The following MMEL1 variants were observed in gnomAD, a reference collection of about 807,000 sequenced individuals.
The protein encoded by MMEL1 is membrane metallo-endopeptidase-like 1.
Under a neutral mutation model 117.1 loss-of-function variants are expected in MMEL1, and 98 were observed. The ratio of observed to expected loss-of-function variants is 0.84; its 90% CI spans 0.71 to 0.99. The LOEUF is 0.99. Ranked by LOEUF, MMEL1 falls within the 50% of genes least tolerant of loss-of-function variation. MMEL1 has a pLI of 0.00. For missense variants in MMEL1, 1,014 were observed against 1,049.1 expected, an observed-to-expected ratio of 0.97 and a Z score of 0.46; for synonymous variants, 390 against 415.1, an observed-to-expected ratio of 0.94 and a Z score of 0.74.
intron 23 of MMEL1, 125 bp downstream of exon 23, chr1:2,591,432 G>A: frequency 1.3e-6 from 1 of 799,086 alleles, no homozygotes. Flanking sequence ...GCCCCTCTCA[G>A]GTTTATTCCC....
At position 2,612,849 on chromosome 1, in the gene MMEL1, C is replaced by T. The variant is rs180724903; in HGVS notation, c.155-645G>A. Reference sequence around the variant, plus strand: ...GTGGGATGGAGAGAAGAGGGGACCCCAGGTCCAGAGAGGTGACAAGCCAGG... The same window carrying T: ...GTGGGATGGAGAGAAGAGGGGACCCTAGGTCCAGAGAGGTGACAAGCCAGG... On this transcript the variant is annotated intron_variant, in intron 2 of 23. Coordinates refer to ENST00000378412, the MANE Select transcript of MMEL1 (RefSeq NM_033467.4). The surrounding 1 kb of genome is among the most constrained non-coding windows in gnomAD (Gnocchi z 5.4). 6.6e-6 allele frequency among the ~76,000 whole-genome samples: 1 copy of T among 152,240 alleles called. No individual in the cohort carries two copies. The highest frequency in any genetic ancestry group is 1.9e-4 in the East Asian group (1 of 5,152).
intron 2 of MMEL1, among the ~76,000 whole-genome samples, chr1:2,624,893 A>G (rs1265564323): frequency 6.6e-6 from 1 of 152,196 alleles, no homozygotes; most frequent in African/African-American, 2.4e-5. Context: ...CAGAAGGCAA[A>G]GGGGACGCAA....
At chr1:2,623,655 A>G (rs1645324785) in intron 2 of MMEL1, among the ~76,000 whole-genome samples, 1 of 152,216 alleles carries the variant, frequency 6.6e-6, no homozygotes, top group African/African-American at 2.4e-5. Flanking sequence ...AGCCCCCATC[A>G]CGAAGAGGTT....
At chr1:2,617,461 G>A (rs144217181) in intron 2 of MMEL1, among the ~76,000 whole-genome samples, 2,962 of 147,588 alleles carry the variant, frequency 0.02, 125 homozygotes, top group African/African-American at 0.072. Flanking sequence ...TTAGTCAGGC[G>A]TGGTGGTGCA....
At chr1:2,611,550 T>C (rs1645129404) in intron 3 of MMEL1, 1 of 518,230 alleles carries the variant, frequency 1.9e-6, no homozygotes, top group Non-Finnish European at 3.4e-6. Context: ...GGGGGTGGGG[T>C]GTGGCCCTCC....
intron 13 of MMEL1, 41 bp downstream of exon 13, chr1:2,598,166 A>C: frequency 6.4e-7 from 1 of 1,561,446 alleles, no homozygotes; most frequent in African/African-American, 1.4e-5. Context: ...GGCCTGAATG[A>C]ATGAGTGCCC....
Position 2,630,353 on chromosome 1 carries a change from TG to T in MMEL1, c.-37-833del, listed in dbSNP as rs1638484500. Among the ~76,000 whole-genome samples, 4 of 152,298 alleles carry T rather than the reference TG, an allele frequency of 2.6e-5. No homozygotes were observed. In the South Asian group the frequency reaches 8.3e-4, roughly 32 times the overall value. Reference sequence around the variant, plus strand: ...AGTTGGGCGTGTGCATGTGTATGACTGTGCGTGTGTGCATATGTTCTGATGT... The same window carrying T: ...AGTTGGGCGTGTGCATGTGTATGACTTGCGTGTGTGCATATGTTCTGATGT... On this transcript the variant is annotated intron_variant, in intron 1 of 23. Coordinates refer to ENST00000378412, the MANE Select transcript of MMEL1 (RefSeq NM_033467.4).
chr1:2,620,292 T>A (rs558650238), intron 2 of MMEL1, among the ~76,000 whole-genome samples: 2 of 152,242 alleles, frequency 1.3e-5, no homozygotes, highest in South Asian at 4.1e-4. Flanking sequence ...TTCAAGATAT[T>A]GAGAGAAAAT....
At chr1:2,610,685 C>T (rs1236341750) in intron 4 of MMEL1, among the ~76,000 whole-genome samples, 8 of 152,230 alleles carry the variant, frequency 5.3e-5, no homozygotes, top group African/African-American at 1.9e-4. Flanking sequence ...GAGACCCAGG[C>T]TTCCCACTGA....
rs1026589201 is a variant in MMEL1 at position 2,598,320 on chromosome 1, G to A, written c.1179-20C>T. On this transcript the variant is annotated intron_variant, in intron 12 of 23. Transcript: ENST00000378412. ...ATGGTCCTGGGGGCAGAAGGTAGAG[G>A]GTGAGGGGAGAACAGGTGAGAGGTC... The A allele has an allele frequency of 1.2e-6, 2 of 1,611,196 alleles. No individual in the cohort carries two copies. The highest frequency in any genetic ancestry group is 2.7e-5 in the African/African-American group (2 of 74,844).
At chr1:2,591,843 G>A in intron 22 of MMEL1, 89 bp downstream of exon 22, 1 of 1,344,944 alleles carries the variant, frequency 7.4e-7, no homozygotes, top group Non-Finnish European at 1.1e-6. Flanking sequence ...TCCATGCTGG[G>A]CTCTGGTCCC....
chr1:2,628,064 G>A (rs141613317), intron 2 of MMEL1, among the ~76,000 whole-genome samples: 2,093 of 152,346 alleles, frequency 0.014, 24 homozygotes, highest in Admixed American at 0.024. Context: ...TGTGGGGTCA[G>A]CCTTGTTTTA....
intron 10 of MMEL1, 51 bp from the exon 11 acceptor site, chr1:2,604,024 G>T: frequency 6.2e-7 from 1 of 1,602,230 alleles, no homozygotes; most frequent in Non-Finnish European, 8.5e-7. Context: ...TGCCCCCTGG[G>T]GCTCCTGGCC....
intron 1 of MMEL1, 23 bp from the exon 2 acceptor site, chr1:2,629,544 A>G: frequency 2.2e-6 from 3 of 1,393,108 alleles, no homozygotes; most frequent in Non-Finnish European, 2.8e-6. Flanking sequence ...GGCAGGGGAG[A>G]GGGGAGAGGG....
chr1:2,590,960 C>A lies in MMEL1; in HGVS notation c.*30G>T. The A allele has an allele frequency of 6.8e-7, 1 of 1,469,360 alleles. No individual in the cohort carries two copies. The highest frequency in any genetic ancestry group is 2.5e-5 in the Admixed American group (1 of 40,498). 91.0% of individuals were successfully genotyped at this position (1,469,360 alleles called of 1,614,324 possible). A position where few individuals can be genotyped will look rare whatever the true frequency, so the allele number is the denominator to read the frequency against. ...CAGATGCCTCCGAGCAGCGGGTGGGCGTGGGCCGCACAGCGCGGCAGGGCC... is the reference window on the plus strand; with the variant it reads ...CAGATGCCTCCGAGCAGCGGGTGGGAGTGGGCCGCACAGCGCGGCAGGGCC... On this transcript the variant is annotated 3_prime_UTR_variant, in exon 24 of 24. Coordinates refer to ENST00000378412, the MANE Select transcript of MMEL1 (RefSeq NM_033467.4).
intron 2 of MMEL1, among the ~76,000 whole-genome samples, chr1:2,624,053 G>A (rs1255270445): frequency 6.6e-6 from 1 of 152,144 alleles, no homozygotes; most frequent in East Asian, 1.9e-4. Flanking sequence ...GGATGTGGTA[G>A]GGATGCCAAG....
chr1:2,617,922 T>C (rs1468232803), intron 2 of MMEL1, among the ~76,000 whole-genome samples: 1 of 152,274 alleles, frequency 6.6e-6, no homozygotes, highest in Non-Finnish European at 1.5e-5. Context: ...AATACTCAGT[T>C]GACACAGGAT....
In MMEL1 at chr1:2,603,949, GTC is replaced by G; in HGVS notation, c.974_975del (p.Arg325ThrfsTer25). The G allele has an allele frequency of 6.2e-7, 1 of 1,613,914 alleles. No individual in the cohort carries two copies. Among genetic ancestry groups the G allele is most frequent in the Non-Finnish European group, 8.5e-7 (1 of 1,180,004 alleles). On this transcript the variant is annotated frameshift_variant, in exon 11 of 24. Coordinates refer to ENST00000378412, the MANE Select transcript of MMEL1 (RefSeq NM_033467.4). LOFTEE classifies it high-confidence loss of function. ...LAKATVPQEE[R>X]HDVIALYHRM... ...CGGTGGTACAAGGCGATGACGTCGT[GTC>G]TCTCCTCCTGGGGTACCGTGGCCTG...
chr1:2,620,614 G>A (rs987993311), intron 2 of MMEL1, among the ~76,000 whole-genome samples: 2 of 152,186 alleles, frequency 1.3e-5, no homozygotes, highest in South Asian at 2.1e-4. Context: ...CAATGGGCAG[G>A]GCTGGTGGGG....
Sources: gnomAD v4.1 joint callset for allele counts (sites outside exome capture counted in the v4.1 genomes callset) on GRCh38, gnomAD v4.1.1 for gene constraint, Gnocchi (gnomAD v3.1) non-coding constraint, MANE v1.5 for transcripts, NCBI Gene and HGNC (gene_info 2026-07-23, HGNC 2026-07-21) for gene names.